The following PIAS1 variants were observed in gnomAD, a reference collection of about 807,000 sequenced individuals.
The protein encoded by PIAS1 is E3 SUMO-protein ligase PIAS1.
PIAS1 carries 6 observed loss-of-function variants against 71.3 expected under a neutral mutation model. The ratio of observed to expected loss-of-function variants is 0.08; its 90% CI spans 0.05 to 0.17. The LOEUF (loss-of-function observed/expected upper bound fraction) is 0.17. Ranked by LOEUF, PIAS1 falls within the 10% of genes least tolerant of loss-of-function variation. The pLI is 1.00. For synonymous variants in PIAS1, 303 were observed against 292.9 expected (o/e 1.03, Z -0.35); for missense variants, 555 against 793.6 (o/e 0.70, Z 3.61).
At chr15:68,162,597 C>A (rs1026367316) in intron 7 of PIAS1, among the ~76,000 whole-genome samples, 7 of 152,150 alleles carry the variant, frequency 4.6e-5, no homozygotes, top group Non-Finnish European at 7.3e-5. Context: ...GCTGGAGAAC[C>A]AGCGAAGCCA....
At chr15:68,107,193 A>G (rs1384910559) in intron 2 of PIAS1, among the ~76,000 whole-genome samples, 3 of 152,106 alleles carry the variant, frequency 2.0e-5, no homozygotes, top group Non-Finnish European at 4.4e-5. Flanking sequence ...GATAGTAGCT[A>G]TTTGTACATG....
intron 2 of PIAS1, among the ~76,000 whole-genome samples, chr15:68,135,169 C>A (rs1350527786): frequency 2.4e-5 from 1 of 41,198 alleles, no homozygotes; most frequent in Non-Finnish European, 9.4e-5. Context: ...CCCTCCCGGA[C>A]GGGGTGGCTG....
Position 68,190,141 on chromosome 15 carries a change from A to C in PIAS1, c.*2306A>C, listed in dbSNP as rs1359744880. 6.6e-6 allele frequency: 1 copy of C among 152,208 alleles called. No homozygotes were observed. The highest frequency in any genetic ancestry group is 1.5e-5 in the Non-Finnish European group (1 of 68,036). The allele number at this position is 152,208 out of a possible 1,614,324, so 9.4% of individuals were successfully genotyped here. A position where few individuals can be genotyped will look rare whatever the true frequency, so the allele number is the denominator to read the frequency against. Reference sequence around the variant, plus strand: ...TCCCTCTACTTTCTTCAGTTGTAGAAAAGGTTAATTTCCCTCAGTGTCCCA... The same window carrying C: ...TCCCTCTACTTTCTTCAGTTGTAGACAAGGTTAATTTCCCTCAGTGTCCCA... On this transcript the variant is annotated 3_prime_UTR_variant, in exon 14 of 14. Transcript: ENST00000249636. The surrounding 1 kb of genome is among the most constrained non-coding windows in gnomAD (Gnocchi z 4.7).
intron 1 of PIAS1, among the ~76,000 whole-genome samples, chr15:68,059,819 A>G (rs2091938468): frequency 6.6e-6 from 1 of 152,016 alleles, no homozygotes; most frequent in Non-Finnish European, 1.5e-5. Flanking sequence ...GGCCTCAAAC[A>G]GTGCTGCCTC....
intron 2 of PIAS1, among the ~76,000 whole-genome samples, chr15:68,087,529 G>A (rs1199610188): frequency 6.6e-6 from 1 of 152,182 alleles, no homozygotes; most frequent in Non-Finnish European, 1.5e-5. Context: ...GGCAAGCTAA[G>A]TCCAGTCTGT....
chr15:68,112,795 C>T (rs1265644860), intron 2 of PIAS1, among the ~76,000 whole-genome samples: 1 of 152,076 alleles, frequency 6.6e-6, no homozygotes. Context: ...ACAATTTTTA[C>T]AAGAGCTTTA....
At chr15:68,145,607 A>G (rs1319229964) in intron 4 of PIAS1, among the ~76,000 whole-genome samples, 5 of 152,202 alleles carry the variant, frequency 3.3e-5, no homozygotes, top group Non-Finnish European at 7.4e-5. Flanking sequence ...ACAGGGTGAT[A>G]GTCATGATTA....
chr15:68,105,276 AGAATTTAT>A (rs908924766), intron 2 of PIAS1, among the ~76,000 whole-genome samples: 31 of 152,204 alleles, frequency 2.0e-4, no homozygotes. Context: ...AAGTTTTTCT[AGAATTTAT>A]CTAGGTTACT....
chr15:68,130,534 G>T (rs1200444775), intron 2 of PIAS1, among the ~76,000 whole-genome samples: 1 of 151,756 alleles, frequency 6.6e-6, no homozygotes, highest in East Asian at 1.9e-4. Context: ...AAAACTCTGG[G>T]TTTGATACAT....
In PIAS1 at chr15:68,127,347, A is replaced by G. The variant is rs532313862; in HGVS notation, c.470-14599A>G. Among the ~76,000 whole-genome samples, 234 of 152,246 alleles carry G rather than the reference A, an allele frequency of 1.5e-3. 1 individual carries two copies. The highest frequency in any genetic ancestry group is 5.2e-3 in the African/African-American group (218 of 41,546). The stretch of plus-strand genomic sequence containing the variant: ...AGGAAGGGCAGTTGTCTAGCTAACT[A>G]GAGAGGATGAATGGACCTGGGGATC... On this transcript the variant is annotated intron_variant, in intron 2 of 13. Coordinates refer to ENST00000249636, the MANE Select transcript of PIAS1 (RefSeq NM_016166.3).
chr15:68,082,863 A>G (rs1215399888), intron 1 of PIAS1, among the ~76,000 whole-genome samples: 1 of 152,146 alleles, frequency 6.6e-6, no homozygotes, highest in African/African-American at 2.4e-5. Flanking sequence ...GGTATGTTAA[A>G]GGGGGAAGGG....
At chr15:68,059,307 GCCCAGATTATTC>G (rs2091932110) in intron 1 of PIAS1, among the ~76,000 whole-genome samples, 2 of 151,980 alleles carry the variant, frequency 1.3e-5, no homozygotes, top group African/African-American at 4.8e-5. Flanking sequence ...ACCGCGCCAG[GCCCAGATTATTC>G]TCCTTTTTTT....
chr15:68,069,129 C>T (rs545415072), intron 1 of PIAS1, among the ~76,000 whole-genome samples: 21 of 148,822 alleles, frequency 1.4e-4, no homozygotes, highest in African/African-American at 4.5e-4. Context: ...CTCCAGACGT[C>T]GTGATCCGCC....
Position 68,187,506 on chromosome 15 carries a change from A to T in PIAS1, c.1663-36A>T, listed in dbSNP as rs2093095427. On this transcript the variant is annotated intron_variant, in intron 13 of 13. Coordinates refer to ENST00000249636, the MANE Select transcript of PIAS1 (RefSeq NM_016166.3). The surrounding 1 kb of genome is among the most constrained non-coding windows in gnomAD (Gnocchi z 5.3). ...GAAAATATATTAATTTGGAAGTATAATTAACATTTTTGTGTCTTTTGTTTC... is the reference window on the plus strand; with the variant it reads ...GAAAATATATTAATTTGGAAGTATATTTAACATTTTTGTGTCTTTTGTTTC... The T allele has an allele frequency of 3.2e-6, 5 of 1,580,530 alleles. No homozygotes were observed. The East Asian group carries it at 1.1e-4, about 35-fold the overall frequency.
rs151310352 is a variant in PIAS1, at chr15:68,161,313, C to T, written c.935-3418C>T. Among the ~76,000 whole-genome samples the T allele has an allele frequency of 9.8e-4, 149 of 152,192 alleles. 1 individual carries two copies. The highest frequency in any genetic ancestry group is 3.4e-3 in the Middle Eastern group (1 of 294). On this transcript the variant is annotated intron_variant, in intron 7 of 13. Coordinates refer to ENST00000249636, the MANE Select transcript of PIAS1 (RefSeq NM_016166.3). ...AAAACTGAAAGAAGACCTGCATAAA[C>T]GGAGAGATATATCTTGCTAAGAGAT... is the stretch of plus-strand genomic sequence containing the variant.
At position 68,176,499 on chromosome 15, in the gene PIAS1, T is replaced by G. The variant is rs1257054765; in HGVS notation, c.1326T>G (p.His442Gln). The G allele has an allele frequency of 6.2e-7, 1 of 1,606,814 alleles. No individual in the cohort carries two copies. Among genetic ancestry groups the G allele is most frequent in the Non-Finnish European group, 8.5e-7 (1 of 1,177,310 alleles). Residue 442 changes from histidine to glutamine, a missense_variant, in exon 11 of 14, where the codon CAT becomes CAG. By Grantham distance (24) the His-to-Gln change is conservative (BLOSUM62 0). Transcript: ENST00000249636. ...VDGCLSSTLE[H>Q]QVASHHQSSN... ...GATGCTTGAGCTCCACATTGGAGCATCAGGTAGCGTCTCACCACCAGTCCT... is the reference window on the plus strand; with the variant it reads ...GATGCTTGAGCTCCACATTGGAGCAGCAGGTAGCGTCTCACCACCAGTCCT...
At chr15:68,087,892 TGA>T (rs1392754943) in intron 2 of PIAS1, 2 of 315,512 alleles carry the variant, frequency 6.3e-6, no homozygotes, top group African/African-American at 4.4e-5. Context: ...TCAAACAACG[TGA>T]GTTTTGTATC....
intron 1 of PIAS1, chr15:68,055,958 C>G: frequency 1.4e-6 from 1 of 697,744 alleles, no homozygotes. Context: ...CTTCTAATTA[C>G]AAATTTACTG....
chr15:68,103,325 T>C (rs1424798436), intron 2 of PIAS1, among the ~76,000 whole-genome samples: 1 of 70,954 alleles, frequency 1.4e-5, no homozygotes, highest in African/African-American at 5.6e-5. Flanking sequence ...TGTTTTGTAT[T>C]ATTATCCTTT....
Sources: gnomAD v4.1 joint callset for allele counts (sites outside exome capture counted in the v4.1 genomes callset) on GRCh38, gnomAD v4.1.1 for gene constraint, Gnocchi (gnomAD v3.1) non-coding constraint, MANE v1.5 for transcripts, NCBI Gene and HGNC (gene_info 2026-07-23, HGNC 2026-07-21) for gene names.